The following GALC variants were observed in gnomAD, a reference collection of about 807,000 sequenced individuals.
GALC encodes galactosylceramidase.
In GALC, 77 loss-of-function variants were observed where a neutral mutation model predicts 91.8. The ratio of observed to expected loss-of-function variants is 0.84; its 90% CI spans 0.70 to 1.01. The LOEUF (loss-of-function observed/expected upper bound fraction) is 1.01. Among genes scored for constraint, GALC ranks in the 50% least tolerant of loss-of-function variants. The pLI is 0.00. For missense variants in GALC, 882 were observed against 855.9 expected (o/e 1.03, Z -0.38); for synonymous variants, 357 against 306.7 (o/e 1.16, Z -1.71).
Position 87,975,981 on chromosome 14 carries a change from A to C in GALC, c.752+377T>G, listed in dbSNP as rs147194387. Reference sequence around the variant, plus strand: ...TCAGTGATCACAATGAACCATTTACAAAAGTGTTCATGCAAGAACTTCCAA... The same window carrying C: ...TCAGTGATCACAATGAACCATTTACCAAAGTGTTCATGCAAGAACTTCCAA... On this transcript the variant is annotated intron_variant, in intron 7 of 16. Coordinates refer to ENST00000261304, the MANE Select transcript of GALC (RefSeq NM_000153.4). 2.3e-3 allele frequency among the ~76,000 whole-genome samples: 353 copies of C among 152,358 alleles called. 1 individual carries two copies. The highest frequency in any genetic ancestry group is 4.1e-3 in the Non-Finnish European group (277 of 68,036).
At position 87,986,566 on chromosome 14, in the gene GALC, T is replaced by C. The variant is rs1886982097; in HGVS notation, c.365A>G (p.Asp122Gly). The change falls in exon 4 of 17, where the codon GAT (aspartate) becomes GGT (glycine). Residue 122 changes from aspartate (D) to glycine (G), a missense_variant. By Grantham distance (94) the Asp-to-Gly change is moderately conservative. Transcript: ENST00000261304. ...TEPSHMHYAL[D>G]ENYFRGYEWW... ...CTCGTATCCTCGGAAATAATTCTCATCTAGTGCATAATGCATGTGGGAGGG... is the reference window on the plus strand; with the variant it reads ...CTCGTATCCTCGGAAATAATTCTCACCTAGTGCATAATGCATGTGGGAGGG... The C allele has an allele frequency of 6.2e-7, 1 of 1,613,712 alleles. No homozygotes were observed. Among genetic ancestry groups the C allele is most frequent in the Admixed American group, 1.7e-5 (1 of 59,974 alleles).
Position 87,949,387 on chromosome 14 carries a change from GAGCACAGTGGTCACAAAAATC to G in GALC, c.1338+437_1338+457del, listed in dbSNP as rs1885211348. 5.9e-5 allele frequency among the ~76,000 whole-genome samples: 9 copies of G among 152,064 alleles called. No homozygotes were observed. The South Asian group carries it at 1.9e-3, about 32-fold the overall frequency. On this transcript the variant is annotated intron_variant, in intron 12 of 16. Transcript: ENST00000261304. ...AAGAAAATAATCACTGAGGTCCTCT[GAGCACAGTGGTCACAAAAATC>G]AGATCTGCATTTTTGACATTTCACT...
chr14:87,936,608 G>A (rs1177421790), intron 16 of GALC, among the ~76,000 whole-genome samples: 1 of 151,784 alleles, frequency 6.6e-6, no homozygotes, highest in Admixed American at 6.6e-5. Context: ...AATCTTGTCT[G>A]TTTCGTTCGC....
chr14:87,962,347 AC>A (rs548129503), intron 10 of GALC, among the ~76,000 whole-genome samples: 288 of 151,766 alleles, frequency 1.9e-3, no homozygotes, highest in African/African-American at 6.9e-3. Flanking sequence ...ATCTTTTTAC[AC>A]CCTCTTTTGA....
At chr14:87,957,091 C>T (rs771017187) in intron 10 of GALC, among the ~76,000 whole-genome samples, 1 of 151,864 alleles carries the variant, frequency 6.6e-6, no homozygotes, top group Non-Finnish European at 1.5e-5. Flanking sequence ...ATTCATGTCA[C>T]CTGCCACTTT....
At chr14:87,967,322 T>C (rs1886098882) in intron 8 of GALC, among the ~76,000 whole-genome samples, 1 of 152,194 alleles carries the variant, frequency 6.6e-6, no homozygotes, top group African/African-American at 2.4e-5. Context: ...AGACTGTAGG[T>C]GATTTTGCTT....
chr14:87,949,359 T>A (rs1885210803), intron 12 of GALC, among the ~76,000 whole-genome samples: 1 of 151,918 alleles, frequency 6.6e-6, no homozygotes, highest in Admixed American at 6.6e-5. Context: ...AATGTTAACT[T>A]CTAAGAAAAT....
rs1885366424 is a variant in GALC, at chr14:87,952,805, G to C, written c.1162-2057C>G. On this transcript the variant is annotated intron_variant, in intron 10 of 16. Transcript: ENST00000261304. ...CTGAAACACAGAATATAGAATCCCA[G>C]AAGATTCACTCCTCTAGACTGAGTG... 7.4e-6 allele frequency: 11 copies of C among 1,481,312 alleles called. No individual in the cohort carries two copies. The South Asian group carries it at 1.1e-4, about 15-fold the overall frequency. 91.8% of individuals were successfully genotyped at this position (1,481,312 alleles called of 1,614,324 possible). A position where few individuals can be genotyped will look rare whatever the true frequency, so the allele number is the denominator to read the frequency against.
At chr14:87,946,165 T>A (rs3910683) in intron 13 of GALC, among the ~76,000 whole-genome samples, 7 of 151,920 alleles carry the variant, frequency 4.6e-5, no homozygotes, top group Admixed American at 2.0e-4. Context: ...CAATAAGGGA[T>A]AGCTTTATTA....
At chr14:87,993,248 G>T, upstream of GALC, 2 of 1,542,136 alleles carry the variant, frequency 1.3e-6, no homozygotes, top group South Asian at 2.4e-5. Flanking sequence ...CGCTGATGCT[G>T]ACGCCGCCGC....
intron 10 of GALC, chr14:87,954,387 A>G: frequency 6.2e-7 from 1 of 1,600,592 alleles, no homozygotes; most frequent in Non-Finnish European, 8.6e-7. Context: ...CAAGATCAAC[A>G]TTATGTGCTT....
In GALC at chr14:87,968,207, C is replaced by T. The variant is rs556303094; in HGVS notation, c.908+128G>A. 2.0e-4 allele frequency: 143 copies of T among 731,262 alleles called. 1 individual carries two copies. The African/African-American group carries it at 2.0e-3, about 10-fold the overall frequency. The allele number at this position is 731,262 out of a possible 1,614,324, so 45.3% of individuals were successfully genotyped here. ...TAGGTATAGGTATACAAATAGATGA[C>T]GCTAACAAGGCAAAATGTTTACAAT... On this transcript the variant is annotated intron_variant, in intron 8 of 16. Coordinates refer to ENST00000261304, the MANE Select transcript of GALC (RefSeq NM_000153.4).
chr14:87,950,638 A>C, intron 11 of GALC, 21 bp downstream of exon 11: 1 of 1,415,096 alleles, frequency 7.1e-7, no homozygotes, highest in East Asian at 2.3e-5. Flanking sequence ...AACTAAAATA[A>C]AGTTAAACAT....
At chr14:87,943,691 TG>T (rs1438740284) in intron 14 of GALC, among the ~76,000 whole-genome samples, 1 of 151,996 alleles carries the variant, frequency 6.6e-6, no homozygotes, top group Non-Finnish European at 1.5e-5. Flanking sequence ...AAAGTGGTTG[TG>T]TGGGAAATCC....
intron 9 of GALC, among the ~76,000 whole-genome samples, chr14:87,964,472 A>G (rs936205496): frequency 3.5e-4 from 53 of 152,300 alleles, no homozygotes; most frequent in African/African-American, 1.3e-3. Flanking sequence ...TTACAAAAAA[A>G]CTGCAGAAAA....
At chr14:87,980,338 C>T (rs949731934) in intron 6 of GALC, among the ~76,000 whole-genome samples, 2 of 149,872 alleles carry the variant, frequency 1.3e-5, no homozygotes, top group African/African-American at 2.5e-5. Context: ...GCCAAGATGG[C>T]GCCATTGCAC....
chr14:87,976,376 T>C lies in GALC; in HGVS notation c.734A>G (p.Lys245Arg), dbSNP rs754560707. 1 of 1,614,052 alleles carries C rather than the reference T, an allele frequency of 6.2e-7. No individual in the cohort carries two copies. Among genetic ancestry groups the C allele is most frequent in the African/African-American group, 1.3e-5 (1 of 75,042 alleles). Residue 245 changes from lysine (K) to arginine (R), a missense_variant, in exon 7 of 17, where the codon AAG becomes AGG. Lys to Arg is a conservative substitution (Grantham distance 26, BLOSUM62 2). Transcript: ENST00000261304. ...ASMLLDAELFKVVDVIGAHYP... is the reference protein window; with the variant it reads ...ASMLLDAELFRVVDVIGAHYP... Reference sequence around the variant, plus strand: ...GCCTTACCCTATAACATCAACCACCTTGAAGAGTTCGGCATCAAGGAGCAT... The same window carrying C: ...GCCTTACCCTATAACATCAACCACCCTGAAGAGTTCGGCATCAAGGAGCAT...
chr14:87,992,321 T>C (rs1887232985), intron 1 of GALC: 1 of 1,535,606 alleles, frequency 6.5e-7, no homozygotes, highest in Non-Finnish European at 8.7e-7. Context: ...TCGGCCACCA[T>C]GAAGCCCATG....
At chr14:87,953,782 T>G in intron 10 of GALC, 1 of 1,605,294 alleles carries the variant, frequency 6.2e-7, no homozygotes, top group Non-Finnish European at 8.5e-7. Flanking sequence ...AAAAAGTCAT[T>G]AATAAAAAAC....
Sources: allele counts gnomAD v4.1 joint callset (sites outside exome capture counted in the v4.1 genomes callset), GRCh38; gene constraint gnomAD v4.1.1; transcripts MANE v1.5; gene names NCBI Gene and HGNC (gene_info 2026-07-23, HGNC 2026-07-21).